Variants in NUDT7 observed in about 807,000 individuals in gnomAD.
The protein encoded by NUDT7 is nudix hydrolase 7.
In NUDT7, 19 loss-of-function variants were observed where a neutral mutation model predicts 13.1. The observed-to-expected ratio is 1.45, with a 90% CI of 1.01 to 2.13. The LOEUF is 2.13. Among genes scored for constraint, NUDT7 ranks in the 30% most tolerant of loss-of-function variants. The pLI is 0.00. For missense variants in NUDT7, 360 were observed against 291.7 expected, an observed-to-expected ratio of 1.23 and a Z score of -1.71; for synonymous variants, 132 against 109.7, an observed-to-expected ratio of 1.20 and a Z score of -1.27.
Position 77,741,944 on chromosome 16 carries a change from G to T in NUDT7, c.711G>T (p.Arg237Ser), listed in dbSNP as rs774939971. ...FLKVHKKATS[R>S]L ...AGGTTCATAAAAAAGCTACAAGCAG[G>T]TTATGATTTACTAGAGCAAGAGACA... Residue 237 changes from arginine to serine, a missense_variant, in exon 4 of 4, where the codon AGG (arginine) becomes AGT (serine). Physicochemically the swap from Arg to Ser is moderately radical, Grantham distance 110. Transcript: ENST00000268533. 1 of 1,590,472 alleles carries T rather than the reference G, an allele frequency of 6.3e-7. No individual in the cohort carries two copies. Among genetic ancestry groups the T allele is most frequent in the Non-Finnish European group, 8.6e-7 (1 of 1,169,264 alleles).
chr16:77,730,775 G>C (rs77858654), intron 2 of NUDT7, among the ~76,000 whole-genome samples: 13,301 of 151,232 alleles, frequency 0.088, 647 homozygotes, highest in East Asian at 0.15. Context: ...CAACACTTAC[G>C]TTTTGTTTTT....
At chr16:77,738,987 G>C (rs1457745359) in intron 3 of NUDT7, among the ~76,000 whole-genome samples, 3 of 152,216 alleles carry the variant, frequency 2.0e-5, no homozygotes, top group African/African-American at 4.8e-5. Flanking sequence ...AGGAATCAGA[G>C]GGTGCTGGGA....
chr16:77,735,325 G>A, intron 2 of NUDT7: 1 of 444,266 alleles, frequency 2.3e-6, no homozygotes, highest in Non-Finnish European at 4.0e-6. Flanking sequence ...TAGTGAGTGA[G>A]TTCTCACGAG....
intron 3 of NUDT7, chr16:77,737,595 C>T (rs988654049): frequency 6.6e-6 from 1 of 152,206 alleles, no homozygotes; most frequent in South Asian, 2.1e-4. Flanking sequence ...ACGCCATTCT[C>T]CTGCCTCAGC....
In NUDT7 at chr16:77,735,877, C is replaced by T. The variant is rs764050331; in HGVS notation, c.239C>T (p.Pro80Leu). 2 of 1,614,070 alleles carry T rather than the reference C, an allele frequency of 1.2e-6. No individual in the cohort carries two copies. The highest frequency in any genetic ancestry group is 1.7e-6 in the Non-Finnish European group (2 of 1,179,976). The part of the protein sequence containing the change: ...EVCFPGGKRD[P>L]TDMDDAATAL... ...TGCTTCCCTGGAGGTAAGCGTGACC[C>T]TACAGACATGGATGATGCAGCCACA... The change falls in exon 3 of 4, where the codon CCT becomes CTT. Residue 80 changes from proline to leucine, a missense_variant. Physicochemically the swap from Pro to Leu is moderately conservative, Grantham distance 98. Transcript: ENST00000268533.
chr16:77,729,684 G>C (rs1196272745), intron 2 of NUDT7, among the ~76,000 whole-genome samples: 1 of 152,056 alleles, frequency 6.6e-6, no homozygotes, highest in Non-Finnish European at 1.5e-5. Flanking sequence ...AATTAGCTGG[G>C]TGTGGTGGTG....
At chr16:77,732,249 A>C (rs978650762) in intron 2 of NUDT7, among the ~76,000 whole-genome samples, 19 of 151,696 alleles carry the variant, frequency 1.3e-4, no homozygotes, top group African/African-American at 4.6e-4. Flanking sequence ...AATCACTTGA[A>C]CTCAGGAGTC....
chr16:77,725,047 A>G (rs892405549), intron 1 of NUDT7, among the ~76,000 whole-genome samples: 2 of 152,350 alleles, frequency 1.3e-5, no homozygotes, highest in South Asian at 4.1e-4. Context: ...GTTTGAGAAC[A>G]TAAGGGCCAG....
At chr16:77,731,525 A>C (rs532580022) in intron 2 of NUDT7, among the ~76,000 whole-genome samples, 1 of 152,320 alleles carries the variant, frequency 6.6e-6, no homozygotes, top group African/African-American at 2.4e-5. Flanking sequence ...TAGCACATAC[A>C]ATTATGCACA....
chr16:77,742,088 T>G lies in NUDT7; in HGVS notation c.*138T>G. ...AGTATGTAGTTAGAATCCTTGCCTCTTTTCCAGTTGCCTTCTATTGTCTGA... is the reference window on the plus strand; with the variant it reads ...AGTATGTAGTTAGAATCCTTGCCTCGTTTCCAGTTGCCTTCTATTGTCTGA... On this transcript the variant is annotated 3_prime_UTR_variant, in exon 4 of 4. Transcript: ENST00000268533. 7.0e-7 allele frequency: 1 copy of G among 1,422,494 alleles called. No individual in the cohort carries two copies. The highest frequency in any genetic ancestry group is 9.1e-7 in the Non-Finnish European group (1 of 1,094,926). The allele number at this position is 1,422,494 out of a possible 1,614,324, so 88.1% of individuals were successfully genotyped here.
At chr16:77,730,284 C>A (rs79123226) in intron 2 of NUDT7, among the ~76,000 whole-genome samples, 5 of 152,052 alleles carry the variant, frequency 3.3e-5, no homozygotes, top group South Asian at 2.1e-4. Flanking sequence ...CAACCTCCCC[C>A]CAAACCACCT....
At chr16:77,726,330 G>T (rs1215770043) in intron 2 of NUDT7, among the ~76,000 whole-genome samples, 1 of 152,148 alleles carries the variant, frequency 6.6e-6, no homozygotes, top group African/African-American at 2.4e-5. Flanking sequence ...ATATAACCCA[G>T]GTACTTGGCA....
At chr16:77,733,514 T>C (rs1263354296) in intron 2 of NUDT7, among the ~76,000 whole-genome samples, 1 of 152,220 alleles carries the variant, frequency 6.6e-6, no homozygotes, top group Non-Finnish European at 1.5e-5. Context: ...TTTCAACATA[T>C]GGATTCATGG....
chr16:77,739,731 C>G (rs1211021134), intron 3 of NUDT7, among the ~76,000 whole-genome samples: 7 of 152,128 alleles, frequency 4.6e-5, no homozygotes, highest in Non-Finnish European at 4.4e-5. Context: ...CACTTGGCAG[C>G]TTTCTTCTGA....
chr16:77,732,053 G>T (rs1457700304), intron 2 of NUDT7, among the ~76,000 whole-genome samples: 1 of 152,142 alleles, frequency 6.6e-6, no homozygotes, highest in Admixed American at 6.5e-5. Flanking sequence ...AGGCCGGGGG[G>T]TGGTGGCTTA....
At chr16:77,740,237 T>A (rs2014617644) in intron 3 of NUDT7, among the ~76,000 whole-genome samples, 2 of 152,218 alleles carry the variant, frequency 1.3e-5, no homozygotes, top group South Asian at 4.1e-4. Flanking sequence ...ACTATTATTT[T>A]GGTTAATGGT....
At chr16:77,725,008 C>G (rs1456396863) in intron 1 of NUDT7, among the ~76,000 whole-genome samples, 1 of 152,136 alleles carries the variant, frequency 6.6e-6, no homozygotes, top group Non-Finnish European at 1.5e-5. Context: ...GCTTGGGAAC[C>G]ACTATTATAA....
intron 1 of NUDT7, among the ~76,000 whole-genome samples, chr16:77,723,308 A>G (rs1016341733): frequency 1.1e-4 from 16 of 152,202 alleles, no homozygotes; most frequent in African/African-American, 3.9e-4. Context: ...TCCCTGTGCC[A>G]GCATTCACTG....
intron 1 of NUDT7, among the ~76,000 whole-genome samples, chr16:77,723,154 A>G (rs988281345): frequency 2.0e-5 from 3 of 152,226 alleles, no homozygotes; most frequent in Non-Finnish European, 2.9e-5. Flanking sequence ...GCCAGCCCCT[A>G]AAGTGGACAG....
Sources: gnomAD v4.1 joint callset for allele counts (sites outside exome capture counted in the v4.1 genomes callset) on GRCh38, gnomAD v4.1.1 for gene constraint, MANE v1.5 for transcripts, NCBI Gene and HGNC (gene_info 2026-07-23, HGNC 2026-07-21) for gene names.